The following CFAP74 variants were observed in gnomAD, a reference collection of about 807,000 sequenced individuals.
CFAP74 encodes cilia- and flagella-associated protein 74.
CFAP74 carries 124 observed loss-of-function variants against 188.9 expected under a neutral mutation model. The observed-to-expected ratio is 0.66, with a 90% CI of 0.57 to 0.76. The LOEUF is 0.76. Ranked by LOEUF, CFAP74 falls within the 30% of genes least tolerant of loss-of-function variation. The pLI is 0.00. For synonymous variants in CFAP74, 956 were observed against 916.7 expected (o/e 1.04, Z -0.77); for missense variants, 2,198 against 2,165.2 (o/e 1.02, Z -0.30).
intron 19 of CFAP74, 83 bp from the exon 20 acceptor site, chr1:1,946,522 T>G (rs1265881334): frequency 6.9e-7 from 1 of 1,441,138 alleles, no homozygotes; most frequent in Non-Finnish European, 9.2e-7. Context: ...GGCATGTTGC[T>G]GCAAGGATGG....
At chr1:1,957,388 C>T (rs991006883) in intron 16 of CFAP74, among the ~76,000 whole-genome samples, 1 of 152,218 alleles carries the variant, frequency 6.6e-6, no homozygotes, top group Non-Finnish European at 1.5e-5. Flanking sequence ...GGGCCACCGA[C>T]GCAAATGGAC....
chr1:1,967,295 C>T (rs1197031889), intron 11 of CFAP74, among the ~76,000 whole-genome samples: 2 of 152,130 alleles, frequency 1.3e-5, no homozygotes, highest in Middle Eastern at 3.2e-3. Flanking sequence ...GGAACTGGGC[C>T]GGGTAGACAG....
rs1654940869 is a variant in CFAP74, at chr1:1,959,807, A to AT, written c.1761+156dup. Among the ~76,000 whole-genome samples the AT allele has an allele frequency of 5.3e-5, 8 of 152,262 alleles. No homozygotes were observed. In the South Asian group the frequency reaches 1.7e-3, roughly 32 times the overall value. On this transcript the variant is annotated intron_variant, in intron 15 of 38. Coordinates refer to ENST00000682832, the MANE Select transcript of CFAP74 (RefSeq NM_001304360.2). ...CAGCATTCAGGAATATGTTGAGTGT[A>AT]TTTTTGGAAGTAAAATAGCAAAACA...
rs1651450500 is a variant in CFAP74, at chr1:1,922,367, A to T, written c.4840T>A (p.Ser1614Thr). 1.2e-6 allele frequency: 2 copies of T among 1,602,576 alleles called. No individual in the cohort carries two copies. The highest frequency in any genetic ancestry group is 1.7e-6 in the Non-Finnish European group (2 of 1,177,172). The change falls in exon 39 of 39, where the codon TCG (serine) becomes ACG (threonine). Residue 1614 changes from serine to threonine, a missense_variant. By Grantham distance (58) the Ser-to-Thr change is moderately conservative. Coordinates refer to ENST00000682832, the MANE Select transcript of CFAP74 (RefSeq NM_001304360.2). ...DFDPDHPLMVSALLQLRGDVK... is the reference protein window; with the variant it reads ...DFDPDHPLMVTALLQLRGDVK... Reference sequence around the variant, plus strand: ...TCCCCCCTTAGCTGCAGCAGGGCCGACACCATGAGTGGGTGGTCTGGCTGG... The same window carrying T: ...TCCCCCCTTAGCTGCAGCAGGGCCGTCACCATGAGTGGGTGGTCTGGCTGG...
intron 25 of CFAP74, among the ~76,000 whole-genome samples, chr1:1,934,124 C>CA (rs1467936951): frequency 6.6e-6 from 1 of 152,222 alleles, no homozygotes; most frequent in African/African-American, 2.4e-5. Flanking sequence ...TTTCAGCACT[C>CA]AAAGTCCTGC....
intron 9 of CFAP74, 40 bp from the exon 10 acceptor site, chr1:1,970,856 C>T (rs1209110206): frequency 6.2e-7 from 1 of 1,609,502 alleles, no homozygotes; most frequent in South Asian, 1.1e-5. Flanking sequence ...CAGCAGCACC[C>T]ACGGGCACAT....
At chr1:1,937,278 C>G (rs1652967601) in intron 25 of CFAP74, among the ~76,000 whole-genome samples, 1 of 152,248 alleles carries the variant, frequency 6.6e-6, no homozygotes, top group African/African-American at 2.4e-5. Flanking sequence ...GGCTGTCTGA[C>G]TAGCCCAGAG....
chr1:1,999,222 A>G (rs1289692958), intron 1 of CFAP74, among the ~76,000 whole-genome samples: 1 of 152,202 alleles, frequency 6.6e-6, no homozygotes, highest in Non-Finnish European at 1.5e-5. Flanking sequence ...AAACAGACCA[A>G]TGGAACAGAT....
intron 11 of CFAP74, among the ~76,000 whole-genome samples, 174 bp from the exon 12 acceptor site, chr1:1,966,700 A>G (rs765246374): frequency 1.3e-5 from 2 of 152,214 alleles, no homozygotes; most frequent in Non-Finnish European, 2.9e-5. Context: ...TACTTGAAAT[A>G]TAAGTATTTT....
At chr1:1,972,853 T>G (rs1420641118) in intron 8 of CFAP74, 84 bp downstream of exon 8, 2 of 919,540 alleles carry the variant, frequency 2.2e-6, no homozygotes, top group African/African-American at 1.7e-5. Flanking sequence ...AATAAATAAA[T>G]AATAAAATCA....
In CFAP74 at chr1:1,975,057, C is replaced by T. The variant is rs1052521380; in HGVS notation, c.501-859G>A. ...AACCCTGGACAAGGTCAGACGCAGG[C>T]GTTGAGCCGGCATCCTCACTGCATT... On this transcript the variant is annotated intron_variant, in intron 6 of 38. Coordinates refer to ENST00000682832, the MANE Select transcript of CFAP74 (RefSeq NM_001304360.2). This position sits in a 1 kb window ranked among gnomAD's most constrained non-coding sequence, Gnocchi z 4.5. Among the ~76,000 whole-genome samples, 11 of 152,228 alleles carry T rather than the reference C, an allele frequency of 7.2e-5. No homozygotes were observed. Among genetic ancestry groups the T allele is most frequent in the African/African-American group, 2.2e-4 (9 of 41,456 alleles).
At chr1:1,952,083 C>T (rs764015003) in intron 18 of CFAP74, among the ~76,000 whole-genome samples, 1 of 152,190 alleles carries the variant, frequency 6.6e-6, no homozygotes, top group South Asian at 2.1e-4. Flanking sequence ...TCCGGAGTAG[C>T]TGAGACTACA....
chr1:1,989,200 C>T (rs530764739), intron 2 of CFAP74, among the ~76,000 whole-genome samples: 6 of 152,150 alleles, frequency 3.9e-5, no homozygotes, highest in African/African-American at 1.2e-4. Flanking sequence ...TCTTTGCAGA[C>T]GGACAGCGGG....
chr1:1,964,570 G>A (rs559082746), intron 13 of CFAP74, among the ~76,000 whole-genome samples: 11 of 152,312 alleles, frequency 7.2e-5, no homozygotes, highest in Admixed American at 3.9e-4. Flanking sequence ...CGGGCAGATC[G>A]CCTGAGGTCA....
intron 3 of CFAP74, 73 bp from the exon 4 acceptor site, chr1:1,988,728 C>CG: frequency 6.4e-7 from 1 of 1,573,458 alleles, no homozygotes; most frequent in Non-Finnish European, 8.6e-7. Context: ...GTGTGGCTGC[C>CG]GGGGTAGGTG....
In CFAP74 at chr1:1,923,604, G is replaced by A. The variant is rs191546307; in HGVS notation, c.4390-105C>T. 1.7e-5 allele frequency: 26 copies of A among 1,523,466 alleles called. No homozygotes were observed. The African/African-American group carries it at 3.0e-4, about 18-fold the overall frequency. The allele number at this position is 1,523,466 out of a possible 1,614,324, so 94.4% of individuals were successfully genotyped here. A position where few individuals can be genotyped will look rare whatever the true frequency, so the allele number is the denominator to read the frequency against. On this transcript the variant is annotated intron_variant, in intron 35 of 38. Coordinates refer to ENST00000682832, the MANE Select transcript of CFAP74 (RefSeq NM_001304360.2). The surrounding 1 kb of genome is among the most constrained non-coding windows in gnomAD (Gnocchi z 6.3). Reference sequence around the variant, plus strand: ...GGAAGGAAGCAGGGACGGCCTGGGGGCCCCGTGGGGCCCTGGACTCTGGTC... The same window carrying A: ...GGAAGGAAGCAGGGACGGCCTGGGGACCCCGTGGGGCCCTGGACTCTGGTC...
At chr1:1,965,149 G>T in intron 12 of CFAP74, 88 bp from the exon 13 acceptor site, 1 of 1,326,512 alleles carries the variant, frequency 7.5e-7, no homozygotes, top group Non-Finnish European at 1.0e-6. Flanking sequence ...GTAGCGGTTA[G>T]CAGAGCACGG....
At chr1:1,962,881 C>G (rs892315210) in intron 14 of CFAP74, among the ~76,000 whole-genome samples, 1 of 151,724 alleles carries the variant, frequency 6.6e-6, no homozygotes, top group Non-Finnish European at 1.5e-5. Flanking sequence ...AGAGCAAGAC[C>G]CTGTCAAAAA....
At chr1:2,000,702 G>A (rs1658164362) in intron 1 of CFAP74, among the ~76,000 whole-genome samples, 1 of 151,800 alleles carries the variant, frequency 6.6e-6, no homozygotes, top group Non-Finnish European at 1.5e-5. Flanking sequence ...CTCTCTGTGT[G>A]CATTTGTATG....
Sources: allele counts gnomAD v4.1 joint callset (sites outside exome capture counted in the v4.1 genomes callset), GRCh38; gene constraint gnomAD v4.1.1; non-coding constraint Gnocchi (gnomAD v3.1); transcripts MANE v1.5; gene names NCBI Gene and HGNC (gene_info 2026-07-23, HGNC 2026-07-21).